Variants in RBPMS observed in about 807,000 individuals in gnomAD.
RBPMS encodes RNA binding protein, mRNA processing factor.
Under a neutral mutation model 26.8 loss-of-function variants are expected in RBPMS, and 7 were observed. That is an observed-to-expected ratio of 0.26 (90% CI 0.15 to 0.49). RBPMS has a LOEUF of 0.49. RBPMS is among the 20% of genes least tolerant of loss of function. RBPMS has a pLI of 0.98. For synonymous variants in RBPMS, 96 were observed against 93.3 expected (o/e 1.03, Z -0.17); for missense variants, 186 against 250.0 (o/e 0.74, Z 1.73).
chr8:30,490,683 C>T (rs1366487882), intron 4 of RBPMS, among the ~76,000 whole-genome samples: 2 of 152,156 alleles, frequency 1.3e-5, no homozygotes, highest in African/African-American at 4.8e-5. Context: ...TCAGGCTGGT[C>T]TTGAACTCCT....
intron 1 of RBPMS, 45 bp from the exon 2 acceptor site, chr8:30,474,734 T>C: frequency 1.8e-6 from 2 of 1,094,334 alleles, no homozygotes; most frequent in Non-Finnish European, 2.8e-6. Context: ...GTTAACTCTC[T>C]GGAGTGTCCA....
At chr8:30,556,791 G>T in intron 6 of RBPMS, 1 of 985,918 alleles carries the variant, frequency 1.0e-6, no homozygotes, top group Non-Finnish European at 1.2e-6. Context: ...GCCATGAGCC[G>T]TGGGTAGGTA....
intron 7 of RBPMS, chr8:30,564,304 C>T (rs1201080020): frequency 6.6e-6 from 1 of 152,268 alleles, no homozygotes; most frequent in Admixed American, 6.5e-5. Context: ...GCAGGCTTGG[C>T]TCCCACGCAG....
At chr8:30,555,599 AC>A (rs1826803335) in intron 6 of RBPMS, among the ~76,000 whole-genome samples, 1 of 152,152 alleles carries the variant, frequency 6.6e-6, no homozygotes, top group African/African-American at 2.4e-5. Context: ...GTGTACACAT[AC>A]GTTTTCTGCA....
intron 5 of RBPMS, among the ~76,000 whole-genome samples, chr8:30,505,463 C>G (rs559574569): frequency 9.2e-5 from 14 of 152,296 alleles, no homozygotes; most frequent in African/African-American, 3.4e-4. Context: ...TTCAGTCACT[C>G]TTGGTACTCA....
At chr8:30,536,036 G>T (rs144475298) in intron 5 of RBPMS, among the ~76,000 whole-genome samples, 1 of 151,954 alleles carries the variant, frequency 6.6e-6, no homozygotes, top group Non-Finnish European at 1.5e-5. Flanking sequence ...TGTAACATGC[G>T]CTATGCTAGG....
intron 6 of RBPMS, 82 bp from the exon 7 acceptor site, chr8:30,558,805 G>A: frequency 1.7e-6 from 2 of 1,161,376 alleles, no homozygotes; most frequent in Non-Finnish European, 2.6e-6. Context: ...CAGTAGGGAA[G>A]TGGTAGCCAA....
rs1043065169 is a variant in RBPMS, at chr8:30,556,284, C to T, written c.529-2603C>T. On this transcript the variant is annotated intron_variant, in intron 6 of 8. Coordinates refer to ENST00000397323, the MANE Select transcript of RBPMS (RefSeq NM_001008710.3). ...CCCCTGGACCCCACAGCTCGGAACCCGCCTTCATGTCACTCTGGAGTGCGC... is the reference window on the plus strand; with the variant it reads ...CCCCTGGACCCCACAGCTCGGAACCTGCCTTCATGTCACTCTGGAGTGCGC... 1.6e-5 allele frequency: 16 copies of T among 985,316 alleles called. No individual in the cohort carries two copies. The South Asian group carries it at 6.1e-4, about 38-fold the overall frequency. 61.0% of individuals were successfully genotyped at this position (985,316 alleles called of 1,614,324 possible).
chr8:30,409,484 C>T (rs752691246), intron 1 of RBPMS, among the ~76,000 whole-genome samples: 1 of 152,038 alleles, frequency 6.6e-6, no homozygotes, highest in African/African-American at 2.4e-5. Flanking sequence ...TGAGCCACCA[C>T]GCCCGGCCTA....
At chr8:30,560,311 G>A (rs564264694) in intron 7 of RBPMS, among the ~76,000 whole-genome samples, 3 of 152,224 alleles carry the variant, frequency 2.0e-5, no homozygotes, top group East Asian at 3.9e-4. Context: ...GCTCAGGTCC[G>A]AGTCAGAAGA....
rs1448617237 is a variant in RBPMS, at chr8:30,462,016, T to C, written c.67-12763T>C. 2.0e-5 allele frequency among the ~76,000 whole-genome samples: 3 copies of C among 152,238 alleles called. No homozygotes were observed. In the East Asian group the frequency reaches 5.8e-4, roughly 29 times the overall value. On this transcript the variant is annotated intron_variant, in intron 1 of 8. Transcript: ENST00000397323. Reference sequence around the variant, plus strand: ...TGAGAGTCGTTCAAGTTGTTGCTTGTATTAGTAGTTTATTTATTCTCATTG... The same window carrying C: ...TGAGAGTCGTTCAAGTTGTTGCTTGCATTAGTAGTTTATTTATTCTCATTG...
At chr8:30,511,400 T>C (rs1821577834) in intron 5 of RBPMS, among the ~76,000 whole-genome samples, 1 of 145,228 alleles carries the variant, frequency 6.9e-6, no homozygotes, top group Non-Finnish European at 1.5e-5. Context: ...GGCAGGCGGG[T>C]TGCCTGAGCT....
At chr8:30,408,149 C>T (rs1808863951) in intron 1 of RBPMS, among the ~76,000 whole-genome samples, 1 of 152,198 alleles carries the variant, frequency 6.6e-6, no homozygotes, top group Admixed American at 6.5e-5. Context: ...TCCTGCCTGT[C>T]TAGACCCTTA....
rs757910428 is a variant in RBPMS at position 30,420,884 on chromosome 8, C to T, written c.66+35726C>T. ...ATCAGGGCAGAAGATGAAGAGAGTCCGGGGTCTATCTAGGAACAGTAGTTA... is the reference window on the plus strand; with the variant it reads ...ATCAGGGCAGAAGATGAAGAGAGTCTGGGGTCTATCTAGGAACAGTAGTTA... On this transcript the variant is annotated intron_variant, in intron 1 of 8. Transcript: ENST00000397323. 5.3e-5 allele frequency among the ~76,000 whole-genome samples: 8 copies of T among 151,944 alleles called. No individual in the cohort carries two copies. The South Asian group carries it at 1.7e-3, about 32-fold the overall frequency.
At chr8:30,508,400 C>T (rs964562875) in intron 5 of RBPMS, among the ~76,000 whole-genome samples, 1 of 152,144 alleles carries the variant, frequency 6.6e-6, no homozygotes, top group Non-Finnish European at 1.5e-5. Context: ...TTGTCATTTA[C>T]TAGTTTTGTA....
At chr8:30,543,861 A>G (rs995169767) in intron 5 of RBPMS, among the ~76,000 whole-genome samples, 1 of 152,234 alleles carries the variant, frequency 6.6e-6, no homozygotes, top group African/African-American at 2.4e-5. Context: ...TCCTGTTTAC[A>G]TCTTTGTGGA....
At chr8:30,472,083 T>G (rs1365319367) in intron 1 of RBPMS, among the ~76,000 whole-genome samples, 1 of 152,196 alleles carries the variant, frequency 6.6e-6, no homozygotes, top group East Asian at 1.9e-4. Context: ...AAAGAAAGTA[T>G]ACATCCATAC....
At chr8:30,390,182 C>T (rs1049055203) in intron 1 of RBPMS, among the ~76,000 whole-genome samples, 2 of 152,112 alleles carry the variant, frequency 1.3e-5, no homozygotes, top group Non-Finnish European at 2.9e-5. Flanking sequence ...ACCATGTGAA[C>T]AAAAAGAATT....
In RBPMS at chr8:30,387,426, AAAAT is replaced by A. The variant is rs780762624; in HGVS notation, c.66+2274_66+2277del. The A allele has an allele frequency of 1.3e-4, 20 of 152,310 alleles. No homozygotes were observed. In the East Asian group the frequency reaches 1.3e-3, roughly 10 times the overall value. 9.4% of individuals were successfully genotyped at this position (152,310 alleles called of 1,614,324 possible). On this transcript the variant is annotated intron_variant, in intron 1 of 8. Coordinates refer to ENST00000397323, the MANE Select transcript of RBPMS (RefSeq NM_001008710.3). ...CTTTCTAACCCTGAAAGCCACAGGTAAAATAAATAGAGTATTAGGTGAGTGCCAT... is the reference window on the plus strand; with the variant it reads ...CTTTCTAACCCTGAAAGCCACAGGTAAAATAGAGTATTAGGTGAGTGCCAT...
Sources: gnomAD v4.1 joint callset for allele counts (sites outside exome capture counted in the v4.1 genomes callset) on GRCh38, gnomAD v4.1.1 for gene constraint, MANE v1.5 for transcripts, NCBI Gene and HGNC (gene_info 2026-07-23, HGNC 2026-07-21) for gene names.